The following ZNF626 variants were observed in gnomAD, a reference collection of about 807,000 sequenced individuals.
ZNF626 encodes the protein zinc finger protein 626.
In ZNF626, 4 loss-of-function variants were observed where a neutral mutation model predicts 11.7. That is an observed-to-expected ratio of 0.34 (90% CI 0.17 to 0.78). The LOEUF (loss-of-function observed/expected upper bound fraction) is 0.78, where lower values mean the gene tolerates loss of function less well. Ranked by LOEUF, ZNF626 falls within the 30% of genes least tolerant of loss-of-function variation. ZNF626 has a pLI of 0.57. For missense variants in ZNF626, 588 were observed against 587.1 expected (o/e 1.00, Z -0.01); for synonymous variants, 179 against 198.6 (o/e 0.90, Z 0.83).
Position 20,646,362 on chromosome 19 carries a change from T to A in ZNF626, c.47A>T (p.Glu16Val). 6.2e-7 allele frequency: 1 copy of A among 1,614,058 alleles called. No homozygotes were observed. Among genetic ancestry groups the A allele is most frequent in the South Asian group, 1.1e-5 (1 of 91,074 alleles). ...TGCAGTGTCCAGGCAATGCCACTCC[T>A]CCAGAGAGAATTCTATGGCCACATC... ...FRDVAIEFSL[E>V]EWHCLDTAQR... Residue 16 changes from glutamate (E) to valine (V), a missense_variant, in exon 2 of 4, where the codon GAG (glutamate) becomes GTG (valine). Physicochemically the swap from Glu to Val is moderately radical, Grantham distance 121. Transcript: ENST00000601440.
chr19:20,645,305 AGAAC>A (rs1970063597), intron 3 of ZNF626: 1 of 1,543,808 alleles, frequency 6.5e-7, no homozygotes, highest in Admixed American at 2.3e-5. Context: ...TGATGCAAAG[AGAAC>A]TTTGAGAGTA....
chr19:20,643,983 C>G (rs1383801096), intron 3 of ZNF626, among the ~76,000 whole-genome samples: 9 of 152,188 alleles, frequency 5.9e-5, no homozygotes, highest in African/African-American at 1.9e-4. Flanking sequence ...AGGGTTCACC[C>G]AACTTGGTCC....
At position 20,646,276 on chromosome 19, in the gene ZNF626, C is replaced by T. The variant is rs1385906986; in HGVS notation, c.130+3G>A. 1 of 1,613,150 alleles carries T rather than the reference C, an allele frequency of 6.2e-7. No homozygotes were observed. Among genetic ancestry groups the T allele is most frequent in the African/African-American group, 1.3e-5 (1 of 74,898 alleles). On this transcript the variant is annotated splice_donor_region_variant and intron_variant, in intron 2 of 3. Coordinates refer to ENST00000601440, the MANE Select transcript of ZNF626 (RefSeq NM_001076675.3). ...GTATATTATGTACTCAAGTTATCCT[C>T]ACCAAGGAAGACCAGGTTACTGTAG...
In ZNF626 at chr19:20,625,091, A is replaced by C. The variant is rs117965559; in HGVS notation, c.786T>G (p.Cys262Trp). The C allele has an allele frequency of 6.2e-7, 1 of 1,613,580 alleles. No homozygotes were observed. Among genetic ancestry groups the C allele is most frequent in the African/African-American group, 1.3e-5 (1 of 74,984 alleles). The change falls in exon 4 of 4, where the codon TGT becomes TGG. Residue 262 changes from cysteine to tryptophan, a missense_variant. Around this residue, in one of 4 missense-constraint regions of ZNF626, gnomAD observed 524 missense variants for 470.1 expected, o/e 1.11. Coordinates refer to ENST00000601440, the MANE Select transcript of ZNF626 (RefSeq NM_001076675.3). ...TGEKPYKCDKCGKAFMSSSTL... is the reference protein window; with the variant it reads ...TGEKPYKCDKWGKAFMSSSTL... Reference sequence around the variant, plus strand: ...TTGAGGATGACATAAAGGCTTTGCCACATTTATCACACTTGTAGGGTTTCT... The same window carrying C: ...TTGAGGATGACATAAAGGCTTTGCCCCATTTATCACACTTGTAGGGTTTCT...
At chr19:20,655,921 C>T (rs1168779777) in intron 1 of ZNF626, among the ~76,000 whole-genome samples, 11 of 147,828 alleles carry the variant, frequency 7.4e-5, no homozygotes, top group South Asian at 2.1e-4. Context: ...GGTGGCAGAG[C>T]GAGACTTTGC....
chr19:20,635,199 G>A (rs1318462455), intron 3 of ZNF626, among the ~76,000 whole-genome samples: 2 of 152,182 alleles, frequency 1.3e-5, no homozygotes, highest in Admixed American at 6.5e-5. Flanking sequence ...AAACAGAGTG[G>A]TGTTTGAAAA....
chr19:20,655,959 T>C (rs899993968), intron 1 of ZNF626, among the ~76,000 whole-genome samples: 11 of 150,914 alleles, frequency 7.3e-5, no homozygotes, highest in Non-Finnish European at 1.2e-4. Context: ...AAAGAGGGAA[T>C]AGCAAAATTT....
chr19:20,632,582 G>T lies in ZNF626; in HGVS notation c.227-6932C>A, dbSNP rs1315233148. Among the ~76,000 whole-genome samples the T allele has an allele frequency of 3.9e-5, 6 of 152,194 alleles. 1 individual carries two copies. Among genetic ancestry groups the T allele is most frequent in the African/African-American group, 1.4e-4 (6 of 41,532 alleles). On this transcript the variant is annotated intron_variant, in intron 3 of 3. Transcript: ENST00000601440. Reference sequence around the variant, plus strand: ...CCCTTTCTTCCAGTTGATCGCATCGGCTACAGAGGCTTCTGCATTCGTCAC... The same window carrying T: ...CCCTTTCTTCCAGTTGATCGCATCGTCTACAGAGGCTTCTGCATTCGTCAC...
At chr19:20,635,934 A>G (rs889753426) in intron 3 of ZNF626, among the ~76,000 whole-genome samples, 4 of 152,122 alleles carry the variant, frequency 2.6e-5, no homozygotes, top group Non-Finnish European at 5.9e-5. Context: ...GGAGTTTGAG[A>G]CCAACCTGAC....
chr19:20,632,576 G>C (rs1009298035), intron 3 of ZNF626, among the ~76,000 whole-genome samples: 1 of 151,980 alleles, frequency 6.6e-6, no homozygotes, highest in African/African-American at 2.4e-5. Flanking sequence ...CCAGTTGATC[G>C]CATCGGCTAC....
chr19:20,629,834 A>AGAGG (rs1357388494), intron 3 of ZNF626, among the ~76,000 whole-genome samples: 1 of 152,124 alleles, frequency 6.6e-6, no homozygotes, highest in Non-Finnish European at 1.5e-5. Flanking sequence ...GAGTGGTGAG[A>AGAGG]GAGGGCATCC....
At chr19:20,653,679 A>C (rs1970173870) in intron 1 of ZNF626, among the ~76,000 whole-genome samples, 1 of 151,436 alleles carries the variant, frequency 6.6e-6, no homozygotes, top group Non-Finnish European at 1.5e-5. Context: ...AAAAGAAAGG[A>C]AAAGAACAGG....
At chr19:20,625,713 T>C in intron 3 of ZNF626, 63 bp from the exon 4 acceptor site, 1 of 1,445,508 alleles carries the variant, frequency 6.9e-7, no homozygotes. Flanking sequence ...TAAATATATA[T>C]ATGCAGTTTG....
In ZNF626 at chr19:20,659,205, T is replaced by C. The variant is rs562338966; in HGVS notation, c.3+2239A>G. Among the ~76,000 whole-genome samples the C allele has an allele frequency of 2.0e-5, 3 of 152,318 alleles. No homozygotes were observed. In the East Asian group the frequency reaches 5.8e-4, roughly 29 times the overall value. ...TCTGTACATTTTCTCCTTTTTCTCA[T>C]TAAGAAATTCAGCTGAATTTGTCTT... On this transcript the variant is annotated intron_variant, in intron 1 of 3. Coordinates refer to ENST00000601440, the MANE Select transcript of ZNF626 (RefSeq NM_001076675.3).
chr19:20,660,377 C>T (rs1246055327), intron 1 of ZNF626, among the ~76,000 whole-genome samples: 3 of 151,872 alleles, frequency 2.0e-5, no homozygotes, highest in Non-Finnish European at 4.4e-5. Flanking sequence ...TTAGAAACTC[C>T]AGTGAAATTA....
At chr19:20,641,282 T>C (rs1970022075) in intron 3 of ZNF626, among the ~76,000 whole-genome samples, 1 of 152,100 alleles carries the variant, frequency 6.6e-6, no homozygotes, top group East Asian at 1.9e-4. Context: ...AACATATACA[T>C]AAAATGGAAT....
At chr19:20,661,320 A>G in intron 1 of ZNF626, 124 bp downstream of exon 1, 1 of 1,319,232 alleles carries the variant, frequency 7.6e-7, no homozygotes, top group African/African-American at 1.4e-5. Flanking sequence ...CGAGCTGAGC[A>G]AGGAGAACTG....
At chr19:20,644,794 A>T (rs1450617327) in intron 3 of ZNF626, 1 of 152,210 alleles carries the variant, frequency 6.6e-6, no homozygotes, top group Non-Finnish European at 1.5e-5. Flanking sequence ...GCAAAATATA[A>T]AATTAACATA....
At chr19:20,636,851 T>G (rs1555770938) in intron 3 of ZNF626, among the ~76,000 whole-genome samples, 1 of 151,448 alleles carries the variant, frequency 6.6e-6, no homozygotes, top group Non-Finnish European at 1.5e-5. Flanking sequence ...TGAAACACCG[T>G]TTGTACTAAA....
Sources: gnomAD v4.1 joint callset for allele counts (sites outside exome capture counted in the v4.1 genomes callset) on GRCh38, gnomAD v4.1.1 for gene constraint, gnomAD v4.1.1 regional missense constraint, MANE v1.5 for transcripts, NCBI Gene and HGNC (gene_info 2026-07-23, HGNC 2026-07-21) for gene names.